The following GINS1 variants were observed in gnomAD, a reference collection of about 807,000 sequenced individuals.
The protein encoded by GINS1 is DNA replication complex GINS protein PSF1.
A neutral mutation model predicts 34.9 loss-of-function variants in GINS1; 26 were observed. That is an observed-to-expected ratio of 0.74 (90% confidence interval 0.55 to 1.03). GINS1 has a LOEUF of 1.03. GINS1 is among the 50% of genes least tolerant of loss of function. The probability of loss-of-function intolerance (pLI) is 0.00; values close to 1 mark genes in which losing one functional copy is unlikely to be tolerated. For missense variants in GINS1, 235 were observed against 237.9 expected (o/e 0.99, Z 0.08); for synonymous variants, 97 against 84.4 (o/e 1.15, Z -0.82).
intron 5 of GINS1, among the ~76,000 whole-genome samples, chr20:25,441,397 A>C (rs771142922): frequency 2.0e-5 from 3 of 152,154 alleles, no homozygotes; most frequent in Non-Finnish European, 4.4e-5. Context: ...TTGTGGATAG[A>C]TATTTCACCT....
chr20:25,431,575 C>CT (rs77211490), intron 5 of GINS1, among the ~76,000 whole-genome samples: 3,623 of 132,010 alleles, frequency 0.027, 65 homozygotes, highest in African/African-American at 0.056. Flanking sequence ...TTTCTTTTTT[C>CT]TTTTTTTTTT....
At chr20:25,417,941 A>G (rs2090331509) in intron 3 of GINS1, among the ~76,000 whole-genome samples, 164 bp from the exon 4 acceptor site, 1 of 152,152 alleles carries the variant, frequency 6.6e-6, no homozygotes, top group South Asian at 2.1e-4. Context: ...CACGTGGAGG[A>G]GTGGACAGTG....
At chr20:25,434,160 T>G (rs140723700) in intron 5 of GINS1, among the ~76,000 whole-genome samples, 131 of 152,092 alleles carry the variant, frequency 8.6e-4, no homozygotes, top group African/African-American at 3.1e-3. Context: ...GGCACGAGCT[T>G]GTAGTTTCAG....
intron 4 of GINS1, chr20:25,419,759 T>C: frequency 4.3e-6 from 1 of 230,256 alleles, no homozygotes; most frequent in African/African-American, 2.4e-5. Context: ...GCCTCCTGGC[T>C]TCAAGCAATT....
chr20:25,425,059 A>G (rs1456519719), intron 4 of GINS1, 152 bp from the exon 5 acceptor site: 4 of 508,370 alleles, frequency 7.9e-6, no homozygotes, highest in South Asian at 6.7e-5. Flanking sequence ...ACCAATGCCT[A>G]TATCATAGGA....
intron 6 of GINS1, 133 bp from the exon 7 acceptor site, chr20:25,445,784 CTTAAGT>C (rs1281385596): frequency 6.0e-5 from 37 of 617,226 alleles, no homozygotes; most frequent in Non-Finnish European, 4.9e-5. Context: ...TACCCAGCCC[CTTAAGT>C]TTAACTTTCA....
chr20:25,440,150 A>G (rs1600944131), intron 5 of GINS1, among the ~76,000 whole-genome samples: 1 of 151,932 alleles, frequency 6.6e-6, no homozygotes, highest in African/African-American at 2.4e-5. Context: ...ACAGGCACGC[A>G]CCACCACACC....
chr20:25,424,816 A>C (rs1252916463), intron 4 of GINS1, among the ~76,000 whole-genome samples: 1 of 152,354 alleles, frequency 6.6e-6, no homozygotes, highest in Non-Finnish European at 1.5e-5. Context: ...TCATATGGGC[A>C]CATATCCATT....
chr20:25,424,962 G>T (rs1423036230), intron 4 of GINS1, among the ~76,000 whole-genome samples: 1 of 152,106 alleles, frequency 6.6e-6, no homozygotes, highest in Non-Finnish European at 1.5e-5. Context: ...GATTCCTAAG[G>T]TTTATTATTA....
intron 6 of GINS1, 77 bp downstream of exon 6, chr20:25,441,853 A>G (rs2090483740): frequency 2.7e-6 from 2 of 733,576 alleles, no homozygotes; most frequent in South Asian, 3.3e-5. Flanking sequence ...AGCAAAATAA[A>G]TATCAACTTT....
chr20:25,411,699 T>C (rs1435205379), intron 1 of GINS1, among the ~76,000 whole-genome samples: 2 of 151,814 alleles, frequency 1.3e-5, no homozygotes, highest in Non-Finnish European at 2.9e-5. Context: ...TCCTAGCACT[T>C]TGGGAGGCTG....
intron 5 of GINS1, among the ~76,000 whole-genome samples, chr20:25,427,823 C>T (rs577900707): frequency 1.8e-4 from 27 of 146,268 alleles, no homozygotes; most frequent in African/African-American, 6.6e-4. Context: ...TTTCTTCCTT[C>T]AGTATCATGT....
chr20:25,428,969 C>CTTTTTTTTTTTTTTTTTTTT (rs77113924), intron 5 of GINS1, among the ~76,000 whole-genome samples: 1 of 127,442 alleles, frequency 7.8e-6, no homozygotes, highest in Admixed American at 8.0e-5. Context: ...ATTCCTCTCT[C>CTTTTTTTTTTTTTTTTTTTT]TTTTTTTTTT....
At chr20:25,428,397 C>CTTTTTTTTTT (rs544831869) in intron 5 of GINS1, among the ~76,000 whole-genome samples, 7 of 66,570 alleles carry the variant, frequency 1.1e-4, no homozygotes, top group African/African-American at 3.1e-4. Context: ...AGCATAATTT[C>CTTTTTTTTTT]TTTTTTTTTT....
chr20:25,442,681 C>T (rs2090489309), intron 6 of GINS1, among the ~76,000 whole-genome samples: 1 of 149,798 alleles, frequency 6.7e-6, no homozygotes, highest in Admixed American at 6.7e-5. Flanking sequence ...GATCTCCACT[C>T]ATTGCAACCT....
At position 25,417,318 on chromosome 20, in the gene GINS1, A is replaced by G. The variant is rs777328556; in HGVS notation, c.239+116A>G. ...CTCTCTCTCTTTGTAAGCATTCTAA[A>G]TTTTTCCTCTGTGTTTTCATTTTTT... On this transcript the variant is annotated intron_variant, in intron 3 of 6. Coordinates refer to ENST00000262460, the MANE Select transcript of GINS1 (RefSeq NM_021067.5). The G allele has an allele frequency of 6.0e-5, 38 of 634,494 alleles. No individual in the cohort carries two copies. In the South Asian group the frequency reaches 6.8e-4, roughly 11 times the overall value. 39.3% of individuals were successfully genotyped at this position (634,494 alleles called of 1,614,324 possible). A position where few individuals can be genotyped will look rare whatever the true frequency, so the allele number is the denominator to read the frequency against.
At chr20:25,417,243 G>T (rs773810863) in intron 3 of GINS1, 41 bp downstream of exon 3, 1 of 920,854 alleles carries the variant, frequency 1.1e-6, no homozygotes, top group Non-Finnish European at 1.8e-6. Context: ...AGGATTTTCT[G>T]TGTGGCTTCC....
Position 25,418,200 on chromosome 20 carries a change from G to C in GINS1, c.330+5G>C. The C allele has an allele frequency of 6.8e-7, 1 of 1,472,710 alleles. No homozygotes were observed. Among genetic ancestry groups the C allele is most frequent in the Non-Finnish European group, 9.5e-7 (1 of 1,049,844 alleles). The allele number at this position is 1,472,710 out of a possible 1,614,324, so 91.2% of individuals were successfully genotyped here. A position where few individuals can be genotyped will look rare whatever the true frequency, so the allele number is the denominator to read the frequency against. On this transcript the variant is annotated splice_donor_5th_base_variant and intron_variant, in intron 4 of 6. Coordinates refer to ENST00000262460, the MANE Select transcript of GINS1 (RefSeq NM_021067.5). ...TTTCACATGGCTGCTGAAGAAGTGA[G>C]TTAGCATTGTTCAAGTTTATAAATT...
intron 4 of GINS1, among the ~76,000 whole-genome samples, chr20:25,422,315 C>T (rs763040344): frequency 2.8e-4 from 43 of 151,854 alleles, no homozygotes; most frequent in Admixed American, 9.8e-4. Context: ...GGCTCACACC[C>T]GCAACCCCAG....
Sources: gnomAD v4.1 joint callset for allele counts (sites outside exome capture counted in the v4.1 genomes callset) on GRCh38, gnomAD v4.1.1 for gene constraint, MANE v1.5 for transcripts, NCBI Gene and HGNC (gene_info 2026-07-23, HGNC 2026-07-21) for gene names.